Variants in HMCN2 observed in about 807,000 individuals in gnomAD.
HMCN2 encodes the protein hemicentin 2.
Under a neutral mutation model 377.5 loss-of-function variants are expected in HMCN2, and 325 were observed. The ratio of observed to expected loss-of-function variants is 0.86; its 90% CI spans 0.79 to 0.94. The LOEUF is 0.94. Ranked by LOEUF, HMCN2 falls within the 40% of genes least tolerant of loss-of-function variation. The pLI, the probability that HMCN2 is intolerant of heterozygous loss-of-function variation, is 0.00. For synonymous variants in HMCN2, 2,007 were observed against 2,046.8 expected (o/e 0.98, Z 0.53); for missense variants, 4,543 against 4,725.3 (o/e 0.96, Z 1.13).
intron 6 of HMCN2, 78 bp downstream of exon 6, chr9:130,295,850 G>C: frequency 2.3e-6 from 1 of 439,420 alleles, no homozygotes; most frequent in Non-Finnish European, 4.7e-6. Context: ...TTGCCCTGGG[G>C]AGCCTGTGGC....
At chr9:130,330,968 A>AACAC (rs1173053980) in intron 22 of HMCN2, among the ~76,000 whole-genome samples, 42,342 of 131,132 alleles carry the variant, frequency 0.32, 7,056 homozygotes, top group Non-Finnish European at 0.37. Context: ...TCTCTACTGA[A>AACAC]ACACACACAC....
At chr9:130,418,082 T>C (rs1218928135) in intron 85 of HMCN2, among the ~76,000 whole-genome samples, 3 of 152,200 alleles carry the variant, frequency 2.0e-5, no homozygotes, top group African/African-American at 7.2e-5. Flanking sequence ...GCCCATTTCA[T>C]TGGCATCAAC....
chr9:130,309,714 C>T (rs1181885377), intron 14 of HMCN2, among the ~76,000 whole-genome samples, 198 bp from the exon 15 acceptor site: 1 of 151,996 alleles, frequency 6.6e-6, no homozygotes, highest in Non-Finnish European at 1.5e-5. Flanking sequence ...CAACCCTGTT[C>T]AACAGAGGGA....
At chr9:130,383,652 G>GAA in intron 57 of HMCN2, 52 bp downstream of exon 57, 1 of 871,924 alleles carries the variant, frequency 1.1e-6, no homozygotes, top group Non-Finnish European at 1.4e-6. Context: ...CCTTCCCAGG[G>GAA]GGCACTGCCT....
At chr9:130,345,983 G>A (rs1028948568) in intron 25 of HMCN2, among the ~76,000 whole-genome samples, 9 of 152,020 alleles carry the variant, frequency 5.9e-5, no homozygotes, top group African/African-American at 1.9e-4. Flanking sequence ...AAGAGTGAGC[G>A]GCCCACAGCA....
At chr9:130,291,074 G>T (rs1835731967) in intron 4 of HMCN2, among the ~76,000 whole-genome samples, 1 of 152,146 alleles carries the variant, frequency 6.6e-6, no homozygotes, top group East Asian at 1.9e-4. Context: ...TCTACTTGGG[G>T]CTGAATGTGG....
rs546079607 is a variant in HMCN2, at chr9:130,305,070, G to A, written c.1816+68G>A. On this transcript the variant is annotated intron_variant, in intron 11 of 97. Coordinates refer to ENST00000683500, the MANE Select transcript of HMCN2 (RefSeq NM_001291815.2). ...TGACCTGGTGTTTACCCCAGAAGCCGCGAGTCCTTCCCTCTGCTCAGACAT... is the reference window on the plus strand; with the variant it reads ...TGACCTGGTGTTTACCCCAGAAGCCACGAGTCCTTCCCTCTGCTCAGACAT... 15 of 432,494 alleles carry A rather than the reference G, an allele frequency of 3.5e-5. No individual in the cohort carries two copies. The East Asian group carries it at 8.0e-4, about 23-fold the overall frequency. The allele number at this position is 432,494 out of a possible 1,614,324, so 26.8% of individuals were successfully genotyped here.
At chr9:130,318,935 G>T (rs1434051913) in intron 15 of HMCN2, among the ~76,000 whole-genome samples, 1 of 152,198 alleles carries the variant, frequency 6.6e-6, no homozygotes, top group Non-Finnish European at 1.5e-5. Context: ...GCAATAGAAG[G>T]GGCTGTGGAA....
intron 83 of HMCN2, among the ~76,000 whole-genome samples, chr9:130,408,235 C>A (rs1479853198): frequency 6.6e-6 from 1 of 152,212 alleles, no homozygotes; most frequent in East Asian, 1.9e-4. Flanking sequence ...TTTGGTAGAT[C>A]CAACCTCAGG....
At chr9:130,397,397 A>G (rs1842658478) in intron 73 of HMCN2, 131 bp from the exon 74 acceptor site, 8 of 850,468 alleles carry the variant, frequency 9.4e-6, no homozygotes, top group Non-Finnish European at 1.3e-5. Flanking sequence ...ATTTGGGTGG[A>G]GACAGAGCCA....
At chr9:130,390,575 C>A (rs770872623) in intron 62 of HMCN2, among the ~76,000 whole-genome samples, 1 of 152,134 alleles carries the variant, frequency 6.6e-6, no homozygotes, top group Non-Finnish European at 1.5e-5. Context: ...GGGAGGAGCC[C>A]GAGCAGAGGC....
chr9:130,425,127 G>T lies in HMCN2; in HGVS notation c.13638G>T (p.Val4546=). Residue 4546 remains valine, a synonymous_variant, in exon 89 of 98, where the codon GTG becomes GTT. Transcript: ENST00000683500. ...PESLADADLQ[V]QDFEEHYVQT... Reference sequence around the variant, plus strand: ...GCCTGGCTGACGCAGATCTTCAAGTGCAGGTCGGGGGTCAAGCCCTGGGGT... The same window carrying T: ...GCCTGGCTGACGCAGATCTTCAAGTTCAGGTCGGGGGTCAAGCCCTGGGGT... 3.9e-6 allele frequency: 6 copies of T among 1,547,666 alleles called. No homozygotes were observed. The highest frequency in any genetic ancestry group is 3.5e-6 in the Non-Finnish European group (4 of 1,145,682).
chr9:130,361,140 A>T lies in HMCN2; in HGVS notation c.5950+536A>T, dbSNP rs931706240. ...TTATTGAGTCCATGCTCTGGGGCGG[A>T]GACTGGACCTAGAGCCCTAGATAAG... On this transcript the variant is annotated intron_variant, in intron 38 of 97. Coordinates refer to ENST00000683500, the MANE Select transcript of HMCN2 (RefSeq NM_001291815.2). This position sits in a 1 kb window ranked among gnomAD's most constrained non-coding sequence, Gnocchi z 4.8. Among the ~76,000 whole-genome samples, 3 of 152,192 alleles carry T rather than the reference A, an allele frequency of 2.0e-5. No individual in the cohort carries two copies. The highest frequency in any genetic ancestry group is 4.4e-5 in the Non-Finnish European group (3 of 68,032).
chr9:130,351,568 C>T lies in HMCN2; in HGVS notation c.4576C>T (p.Arg1526Ter), dbSNP rs574552992. 33 of 1,302,956 alleles carry T rather than the reference C, an allele frequency of 2.5e-5. 1 individual carries two copies. The highest frequency in any genetic ancestry group is 2.3e-4 in the South Asian group (19 of 80,886). The allele number at this position is 1,302,956 out of a possible 1,614,324, so 80.7% of individuals were successfully genotyped here. ...AGQQARDFQL[R>*]VHAPPTIWGS... The stretch of plus-strand genomic sequence containing the variant: ...TCAGCAGGCCAGGGACTTCCAGCTC[C>T]GAGTTCATGGTGAGCCCCCACGCCT... The change falls in exon 30 of 98, where the codon CGA becomes TGA. Residue 1526 changes from arginine (R) to a stop codon, truncating the protein, a stop_gained. Coordinates refer to ENST00000683500, the MANE Select transcript of HMCN2 (RefSeq NM_001291815.2). LOFTEE classifies it high-confidence loss of function. This position sits in a 1 kb window ranked among gnomAD's most constrained non-coding sequence, Gnocchi z 5.4.
At chr9:130,416,096 C>CTTTA (rs1479021829) in intron 85 of HMCN2, among the ~76,000 whole-genome samples, 3 of 91,902 alleles carry the variant, frequency 3.3e-5, no homozygotes, top group Non-Finnish European at 2.1e-5. Context: ...GTTCTAGAGG[C>CTTTA]TTTATTTTTT....
chr9:130,374,812 A>T, intron 49 of HMCN2, 119 bp downstream of exon 49: 18 of 368,554 alleles, frequency 4.9e-5, no homozygotes, highest in East Asian at 1.7e-4. Flanking sequence ...TAATTCTCCG[A>T]GTTTGACAAC....
chr9:130,366,933 C>CA (rs1554957375), intron 43 of HMCN2, among the ~76,000 whole-genome samples: 2 of 151,896 alleles, frequency 1.3e-5, no homozygotes, highest in Non-Finnish European at 2.9e-5. Context: ...AGCTAGGAAG[C>CA]GGGAAAGATG....
chr9:130,311,820 C>T (rs1211495263), intron 15 of HMCN2, among the ~76,000 whole-genome samples: 7 of 152,130 alleles, frequency 4.6e-5, no homozygotes, highest in South Asian at 4.2e-4. Flanking sequence ...TGGGGAGCTG[C>T]GGAGGAGTTT....
intron 46 of HMCN2, among the ~76,000 whole-genome samples, chr9:130,371,744 A>G (rs1428623673): frequency 6.6e-6 from 1 of 152,258 alleles, no homozygotes; most frequent in Non-Finnish European, 1.5e-5. Flanking sequence ...TTCTGTGGAT[A>G]GGAATTCAGA....
Sources: allele counts gnomAD v4.1 joint callset (sites outside exome capture counted in the v4.1 genomes callset), GRCh38; gene constraint gnomAD v4.1.1; non-coding constraint Gnocchi (gnomAD v3.1); transcripts MANE v1.5; gene names NCBI Gene and HGNC (gene_info 2026-07-23, HGNC 2026-07-21).